The following SHISA9 variants were observed in gnomAD, a reference collection of about 807,000 sequenced individuals.
SHISA9 encodes the protein shisa family member 9.
A neutral mutation model predicts 38.0 loss-of-function variants in SHISA9; 13 were observed. That is an observed-to-expected ratio of 0.34 (90% CI 0.22 to 0.54). SHISA9 has a LOEUF of 0.54. SHISA9 is among the 20% of genes least tolerant of loss of function. The probability of loss-of-function intolerance (pLI) is 0.91; values close to 1 mark genes in which losing one functional copy is unlikely to be tolerated. For missense variants in SHISA9, 538 were observed against 575.8 expected (o/e 0.93, Z 0.67); for synonymous variants, 275 against 242.0 (o/e 1.14, Z -1.27).
intron 2 of SHISA9, among the ~76,000 whole-genome samples, chr16:13,104,882 T>C (rs2141960591): frequency 6.6e-6 from 1 of 152,296 alleles, no homozygotes; most frequent in South Asian, 2.1e-4. Flanking sequence ...TTTAAAAAAG[T>C]ATGATTTTAG....
chr16:13,455,491 G>A, the SHISA9 span, among the ~76,000 whole-genome samples: 6 of 152,308 alleles, frequency 3.9e-5, no homozygotes, highest in Non-Finnish European at 5.9e-5. Flanking sequence ...TTCACATGGT[G>A]GATGAGAGAA....
intron 2 of SHISA9, among the ~76,000 whole-genome samples, chr16:13,058,944 G>A (rs569661980): frequency 1.3e-5 from 2 of 152,116 alleles, no homozygotes; most frequent in African/African-American, 4.8e-5. Context: ...GGTTTGGGGG[G>A]TGGACATTTG....
the SHISA9 span, among the ~76,000 whole-genome samples, chr16:13,528,287 G>C: frequency 6.6e-6 from 1 of 151,960 alleles, no homozygotes; most frequent in Admixed American, 6.6e-5. Flanking sequence ...ATAACCTAAA[G>C]AGTCCATTTC....
Position 13,020,758 on chromosome 16 carries a change from C to T in SHISA9, c.691+103943C>T, listed in dbSNP as rs142965359. On this transcript the variant is annotated intron_variant, in intron 2 of 4. Coordinates refer to ENST00000558583, the MANE Select transcript of SHISA9 (RefSeq NM_001145204.3). ...TTTTGCATATTAGGATCCAAACATA[C>T]TAAATGATACCAGACCTCTGGTATT... is the stretch of plus-strand genomic sequence containing the variant. Among the ~76,000 whole-genome samples, 535 of 152,324 alleles carry T rather than the reference C, an allele frequency of 3.5e-3. 1 individual carries two copies. Among genetic ancestry groups the T allele is most frequent in the Admixed American group, 7.0e-3 (107 of 15,304 alleles).
At chr16:12,923,053 C>T (rs1370891850) in intron 2 of SHISA9, among the ~76,000 whole-genome samples, 1 of 152,178 alleles carries the variant, frequency 6.6e-6, no homozygotes, top group Non-Finnish European at 1.5e-5. Context: ...TCTTGAGCTC[C>T]TGACCGCAGG....
chr16:12,945,944 C>T (rs1381413293), intron 2 of SHISA9, among the ~76,000 whole-genome samples: 1 of 152,168 alleles, frequency 6.6e-6, no homozygotes, highest in African/African-American at 2.4e-5. Flanking sequence ...CGAAACCCTA[C>T]TAAAAATACA....
intron 2 of SHISA9, among the ~76,000 whole-genome samples, chr16:13,034,856 C>T (rs1384777359): frequency 1.3e-5 from 2 of 152,196 alleles, no homozygotes; most frequent in African/African-American, 2.4e-5. Flanking sequence ...ATTCCCTTCT[C>T]CCATCCAAGA....
At chr16:13,019,267 T>G (rs886135499) in intron 2 of SHISA9, among the ~76,000 whole-genome samples, 1 of 150,052 alleles carries the variant, frequency 6.7e-6, no homozygotes, top group Non-Finnish European at 1.5e-5. Context: ...CCCAAAGTGC[T>G]GAGATTACAG....
intron 2 of SHISA9, among the ~76,000 whole-genome samples, chr16:13,057,712 T>C (rs1029383741): frequency 6.6e-6 from 1 of 152,206 alleles, no homozygotes; most frequent in Admixed American, 6.5e-5. Flanking sequence ...GTTACATAGG[T>C]AAACGTGTGC....
At chr16:13,543,986 C>A in the SHISA9 span, among the ~76,000 whole-genome samples, 1 of 152,084 alleles carries the variant, frequency 6.6e-6, no homozygotes, top group Non-Finnish European at 1.5e-5. Flanking sequence ...AATAGAAACC[C>A]AGAAGGGGAA....
At chr16:13,422,215 C>T in the SHISA9 span, among the ~76,000 whole-genome samples, 2 of 152,140 alleles carry the variant, frequency 1.3e-5, no homozygotes, top group African/African-American at 4.8e-5. Context: ...CAGTGAGGCT[C>T]CAAGGATGTA....
chr16:13,091,348 C>T (rs2073772915), intron 2 of SHISA9, among the ~76,000 whole-genome samples: 1 of 152,206 alleles, frequency 6.6e-6, no homozygotes, highest in Non-Finnish European at 1.5e-5. Context: ...GTTGGCCTGC[C>T]TTGCTAGGTT....
the SHISA9 span, among the ~76,000 whole-genome samples, chr16:13,379,502 T>C: frequency 6.6e-6 from 1 of 152,198 alleles, no homozygotes; most frequent in African/African-American, 2.4e-5. Flanking sequence ...AGCTTCTGGC[T>C]GCTTCTAGGC....
At chr16:13,291,041 C>G in the SHISA9 span, among the ~76,000 whole-genome samples, 1 of 152,142 alleles carries the variant, frequency 6.6e-6, no homozygotes, top group East Asian at 1.9e-4. Flanking sequence ...GATCTAATCT[C>G]TAGACTAGCC....
the SHISA9 span, among the ~76,000 whole-genome samples, chr16:13,333,461 C>T: frequency 1.3e-5 from 2 of 152,108 alleles, no homozygotes; most frequent in African/African-American, 4.8e-5. Flanking sequence ...TCCCAATATC[C>T]AGGAGGGAGG....
At chr16:13,431,794 C>A in the SHISA9 span, among the ~76,000 whole-genome samples, 1 of 152,190 alleles carries the variant, frequency 6.6e-6, no homozygotes, top group Non-Finnish European at 1.5e-5. Flanking sequence ...GGGCAAGTGG[C>A]TCACGTCTGT....
intron 2 of SHISA9, among the ~76,000 whole-genome samples, chr16:13,095,550 C>G (rs190549954): frequency 3.9e-5 from 6 of 152,196 alleles, no homozygotes; most frequent in Non-Finnish European, 7.4e-5. Context: ...TCCCATGACT[C>G]TTAGAATAAT....
chr16:13,367,810 CCA>C, the SHISA9 span, among the ~76,000 whole-genome samples: 2 of 151,776 alleles, frequency 1.3e-5, no homozygotes, highest in Non-Finnish European at 2.9e-5. Context: ...TCTGGGCATT[CCA>C]CAGTCTTCCA....
chr16:13,406,037 T>A, the SHISA9 span, among the ~76,000 whole-genome samples: 1 of 150,998 alleles, frequency 6.6e-6, no homozygotes, highest in African/African-American at 2.4e-5. Context: ...GCAGAAGGAA[T>A]AATCAACAGA....
Sources: allele counts gnomAD v4.1 joint callset (sites outside exome capture counted in the v4.1 genomes callset), GRCh38; gene constraint gnomAD v4.1.1; transcripts MANE v1.5; gene names NCBI Gene and HGNC (gene_info 2026-07-23, HGNC 2026-07-21).